The following MRAS variants were observed in gnomAD, a reference collection of about 807,000 sequenced individuals.
The protein encoded by MRAS is ras-related protein M-Ras.
Under a neutral mutation model 20.9 loss-of-function variants are expected in MRAS, and 4 were observed. The ratio of observed to expected loss-of-function variants is 0.19; its 90% confidence interval spans 0.09 to 0.44. The LOEUF (loss-of-function observed/expected upper bound fraction) is 0.44. Among genes scored for constraint, MRAS ranks in the 20% least tolerant of loss-of-function variants. The pLI is 0.99. For missense variants in MRAS, 154 were observed against 277.5 expected (o/e 0.56, Z 3.16); for synonymous variants, 98 against 102.9 (o/e 0.95, Z 0.29).
intron 2 of MRAS, among the ~76,000 whole-genome samples, chr3:138,390,001 A>T (rs775114434): frequency 6.7e-6 from 1 of 148,932 alleles, no homozygotes; most frequent in African/African-American, 2.5e-5. Context: ...CAGTTTTCCT[A>T]GTATTTCTCA....
At position 138,365,872 on chromosome 3, in the gene MRAS, C is replaced by G. The variant is rs76478005; in HGVS notation, c.-18-6994C>G. 7.0e-3 allele frequency among the ~76,000 whole-genome samples: 1,063 copies of G among 152,328 alleles called. 14 individuals carry two copies. The highest frequency in any genetic ancestry group is 0.024 in the African/African-American group (1,014 of 41,578). On this transcript the variant is annotated intron_variant, in intron 1 of 5. Coordinates refer to ENST00000423968, the MANE Select transcript of MRAS (RefSeq NM_001085049.3). ...TGGGGGGGAGCAGCACCCATGCCACCTACTTGCCCTTGAGACTTGATGTTT... is the reference window on the plus strand; with the variant it reads ...TGGGGGGGAGCAGCACCCATGCCACGTACTTGCCCTTGAGACTTGATGTTT...
At chr3:138,397,853 A>C (rs2055274118) in intron 3 of MRAS, among the ~76,000 whole-genome samples, 1 of 152,220 alleles carries the variant, frequency 6.6e-6, no homozygotes, top group Non-Finnish European at 1.5e-5. Context: ...TGTGGGTTTT[A>C]CTCCGAATAC....
At chr3:138,377,272 A>G (rs1274023862) in intron 2 of MRAS, among the ~76,000 whole-genome samples, 17 of 152,232 alleles carry the variant, frequency 1.1e-4, no homozygotes. Context: ...CCAGATTCCC[A>G]GATTAGATGC....
chr3:138,369,632 A>G (rs1331301141), intron 1 of MRAS, among the ~76,000 whole-genome samples: 2 of 152,124 alleles, frequency 1.3e-5, no homozygotes, highest in Non-Finnish European at 2.9e-5. Flanking sequence ...TTTGTGTGAA[A>G]TGAGTAGTCT....
intron 2 of MRAS, among the ~76,000 whole-genome samples, chr3:138,382,496 A>G (rs2054925672): frequency 6.6e-6 from 1 of 152,228 alleles, no homozygotes; most frequent in African/African-American, 2.4e-5. Context: ...AGTGTACCTC[A>G]GTACTGCTGT....
At chr3:138,383,835 G>A (rs1213493425) in intron 2 of MRAS, among the ~76,000 whole-genome samples, 1 of 152,220 alleles carries the variant, frequency 6.6e-6, no homozygotes, top group Non-Finnish European at 1.5e-5. Flanking sequence ...TATGTATGGT[G>A]TCAGGTGGTG....
intron 2 of MRAS, among the ~76,000 whole-genome samples, chr3:138,384,330 A>G (rs2054965603): frequency 6.6e-6 from 1 of 152,194 alleles, no homozygotes; most frequent in South Asian, 2.1e-4. Flanking sequence ...ACCATGGCAG[A>G]ATCGGAAAGA....
chr3:138,399,455 G>A (rs559410401), intron 4 of MRAS, among the ~76,000 whole-genome samples: 13 of 152,314 alleles, frequency 8.5e-5, no homozygotes, highest in Non-Finnish European at 1.5e-4. Flanking sequence ...AACCTCACGC[G>A]ATGATGATGG....
In MRAS at chr3:138,395,256, C is replaced by T. The variant is rs531273236; in HGVS notation, c.194-2068C>T. Among the ~76,000 whole-genome samples, 18 of 152,064 alleles carry T rather than the reference C, an allele frequency of 1.2e-4. No individual in the cohort carries two copies. In the East Asian group the frequency reaches 1.5e-3, roughly 13 times the overall value. On this transcript the variant is annotated intron_variant, in intron 2 of 5. Transcript: ENST00000423968. ...GGGTTTCATTTGGCCAGGCTGGTCT[C>T]GAACTCCTGACCTCAGGTGATCCAC...
chr3:138,398,775 T>C (rs759805972), intron 4 of MRAS, among the ~76,000 whole-genome samples: 1 of 152,138 alleles, frequency 6.6e-6, no homozygotes, highest in Non-Finnish European at 1.5e-5. Context: ...ACAGGTCCCC[T>C]AGAAAGAAAG....
In MRAS at chr3:138,402,399, G is replaced by T; in HGVS notation, c.*130G>T. Reference sequence around the variant, plus strand: ...GGACTTGGTACAGGAAGGGAGAAGGGCAGGTGGGCAGGGAGCAGACAGGGT... The same window carrying T: ...GGACTTGGTACAGGAAGGGAGAAGGTCAGGTGGGCAGGGAGCAGACAGGGT... On this transcript the variant is annotated 3_prime_UTR_variant, in exon 6 of 6. Coordinates refer to ENST00000423968, the MANE Select transcript of MRAS (RefSeq NM_001085049.3). 1 of 778,746 alleles carries T rather than the reference G, an allele frequency of 1.3e-6. No homozygotes were observed. The highest frequency in any genetic ancestry group is 2.1e-6 in the Non-Finnish European group (1 of 482,692). 48.2% of individuals were successfully genotyped at this position (778,746 alleles called of 1,614,324 possible). A position where few individuals can be genotyped will look rare whatever the true frequency, so the allele number is the denominator to read the frequency against.
At chr3:138,356,645 G>C (rs912761934) in intron 1 of MRAS, among the ~76,000 whole-genome samples, 1 of 152,162 alleles carries the variant, frequency 6.6e-6, no homozygotes, top group Non-Finnish European at 1.5e-5. Flanking sequence ...ATAGAAGGAG[G>C]GTGGGATCAC....
chr3:138,398,802 C>T (rs2055296841), intron 4 of MRAS, among the ~76,000 whole-genome samples: 1 of 152,110 alleles, frequency 6.6e-6, no homozygotes, highest in Non-Finnish European at 1.5e-5. Context: ...GTGTCTGGGA[C>T]CTGGGGGGAT....
intron 2 of MRAS, among the ~76,000 whole-genome samples, chr3:138,390,601 G>C (rs898693637): frequency 1.4e-4 from 22 of 152,104 alleles, no homozygotes; most frequent in African/African-American, 5.3e-4. Flanking sequence ...ATTATCTTCA[G>C]CCTCCCCCAG....
At chr3:138,366,134 T>C (rs1624314) in intron 1 of MRAS, among the ~76,000 whole-genome samples, 129,603 of 152,224 alleles carry the variant, frequency 0.85, 55,440 homozygotes, top group East Asian at 0.97. Flanking sequence ...AACACACAGC[T>C]TGCAGGTCAG....
rs2055289415 is a variant in MRAS at position 138,398,532 on chromosome 3, C to G, written c.411C>G (p.Thr137=). The G allele has an allele frequency of 6.2e-7, 1 of 1,613,978 alleles. No homozygotes were observed. The highest frequency in any genetic ancestry group is 1.3e-5 in the African/African-American group (1 of 74,888). The change falls in exon 4 of 6, where the codon ACC becomes ACG. Residue 137 remains threonine, a synonymous_variant. Coordinates refer to ENST00000423968, the MANE Select transcript of MRAS (RefSeq NM_001085049.3). ...ATTTGATGCACTTGAGGAAGATCAC[C>G]AGGGAGCAAGGAAAAGAAATGGCGA... ...KVDLMHLRKI[T]REQGKEMATK...
chr3:138,393,097 C>A (rs1165198505), intron 2 of MRAS, among the ~76,000 whole-genome samples: 2 of 152,196 alleles, frequency 1.3e-5, no homozygotes, highest in Non-Finnish European at 2.9e-5. Context: ...AGCCTCTTGA[C>A]AAATGAGGCG....
chr3:138,351,835 G>T (rs1173508183), intron 1 of MRAS, among the ~76,000 whole-genome samples: 3 of 152,146 alleles, frequency 2.0e-5, no homozygotes, highest in African/African-American at 7.2e-5. Context: ...TTAATATGTT[G>T]ATGAGAAGCC....
chr3:138,359,389 G>C (rs1197566322), intron 1 of MRAS, among the ~76,000 whole-genome samples: 3 of 152,124 alleles, frequency 2.0e-5, no homozygotes, highest in African/African-American at 7.2e-5. Flanking sequence ...TCGTTTTCAG[G>C]AAGTTTCCCT....
Sources: gnomAD v4.1 joint callset for allele counts (sites outside exome capture counted in the v4.1 genomes callset) on GRCh38, gnomAD v4.1.1 for gene constraint, MANE v1.5 for transcripts, NCBI Gene and HGNC (gene_info 2026-07-23, HGNC 2026-07-21) for gene names.